Variants in PAFAH1B1 observed in about 807,000 individuals in gnomAD.
PAFAH1B1 encodes platelet-activating factor acetylhydrolase IB subunit beta.
In PAFAH1B1, 2 loss-of-function variants were observed where a neutral mutation model predicts 57.5. The ratio of observed to expected loss-of-function variants is 0.03; its 90% CI spans 0.01 to 0.11. The LOEUF is 0.11. Among genes scored for constraint, PAFAH1B1 ranks in the 10% least tolerant of loss-of-function variants. The probability of loss-of-function intolerance (pLI) is 1.00; values close to 1 mark genes in which losing one functional copy is unlikely to be tolerated. For synonymous variants in PAFAH1B1, 152 were observed against 169.6 expected (o/e 0.90, Z 0.81); for missense variants, 257 against 512.0 (o/e 0.50, Z 4.81).
At chr17:2,596,796 C>T (rs1240791556) in intron 1 of PAFAH1B1, among the ~76,000 whole-genome samples, 1 of 152,136 alleles carries the variant, frequency 6.6e-6, no homozygotes, top group Non-Finnish European at 1.5e-5. Flanking sequence ...CAGTGGTTCA[C>T]GCCTGTAATC....
In PAFAH1B1 at chr17:2,681,826, C is replaced by G. The variant is rs775929844; in HGVS notation, c.*24C>G. 6.4e-7 allele frequency: 1 copy of G among 1,569,196 alleles called. No individual in the cohort carries two copies. Among genetic ancestry groups the G allele is most frequent in the Non-Finnish European group, 8.8e-7 (1 of 1,141,606 alleles). ...GATTGTGTCTCCTTCGGCCCCTCCT[C>G]CCTCTTTTCCTCTGGATGCACTCTG... On this transcript the variant is annotated 3_prime_UTR_variant, in exon 11 of 11. Coordinates refer to ENST00000397195, the MANE Select transcript of PAFAH1B1 (RefSeq NM_000430.4).
chr17:2,606,719 G>A (rs2068207874), intron 1 of PAFAH1B1, among the ~76,000 whole-genome samples: 2 of 143,100 alleles, frequency 1.4e-5, no homozygotes, highest in Middle Eastern at 7.2e-3. Context: ...TATGTTAAAT[G>A]TTAAAAGTAC....
In PAFAH1B1 at chr17:2,634,159, G is replaced by A. The variant is rs118138786; in HGVS notation, c.-190-3940G>A. Reference sequence around the variant, plus strand: ...GTTTTTTTGTTTGTTTTTTTGAGACGGAGTCTTGCTCTGTTGCCCACCCTG... The same window carrying A: ...GTTTTTTTGTTTGTTTTTTTGAGACAGAGTCTTGCTCTGTTGCCCACCCTG... On this transcript the variant is annotated intron_variant, in intron 1 of 10. Coordinates refer to ENST00000397195, the MANE Select transcript of PAFAH1B1 (RefSeq NM_000430.4). Among the ~76,000 whole-genome samples, 138 of 151,646 alleles carry A rather than the reference G, an allele frequency of 9.1e-4. 3 individuals are homozygous for A. The East Asian group carries it at 0.025, about 28-fold the overall frequency.
chr17:2,648,920 AGT>A, intron 2 of PAFAH1B1, among the ~76,000 whole-genome samples: 1 of 139,124 alleles, frequency 7.2e-6, no homozygotes, highest in Non-Finnish European at 1.6e-5. Context: ...CATCTATTTC[AGT>A]ATATATTTGA....
At chr17:2,677,132 G>A (rs1020206956) in intron 9 of PAFAH1B1, among the ~76,000 whole-genome samples, 2 of 152,108 alleles carry the variant, frequency 1.3e-5, no homozygotes, top group African/African-American at 2.4e-5. Flanking sequence ...CAGCCTGGGC[G>A]ACAGAGTGAG....
chr17:2,671,397 C>T (rs1448023635), intron 6 of PAFAH1B1, among the ~76,000 whole-genome samples: 3 of 151,736 alleles, frequency 2.0e-5, no homozygotes, highest in Admixed American at 6.6e-5. Context: ...TTAGTAGAGA[C>T]GGGGTTTCAC....
intron 2 of PAFAH1B1, among the ~76,000 whole-genome samples, chr17:2,644,180 T>C (rs1267651563): frequency 6.6e-6 from 1 of 151,890 alleles, no homozygotes; most frequent in African/African-American, 2.4e-5. Flanking sequence ...TTTTTTTTCT[T>C]ACCAATCCAG....
At chr17:2,615,346 G>C (rs773415790) in intron 1 of PAFAH1B1, among the ~76,000 whole-genome samples, 2 of 152,140 alleles carry the variant, frequency 1.3e-5, no homozygotes, top group Non-Finnish European at 2.9e-5. Flanking sequence ...CAAGGAAAAA[G>C]CGATTTATGA....
At chr17:2,632,033 T>C (rs2151630062) in intron 1 of PAFAH1B1, among the ~76,000 whole-genome samples, 1 of 152,332 alleles carries the variant, frequency 6.6e-6, no homozygotes, top group Admixed American at 6.5e-5. Flanking sequence ...TCTTATTCAC[T>C]GTCATTACCC....
chr17:2,631,825 G>T (rs1001523587), intron 1 of PAFAH1B1, among the ~76,000 whole-genome samples: 1 of 152,156 alleles, frequency 6.6e-6, no homozygotes, highest in African/African-American at 2.4e-5. Flanking sequence ...ATGCAGCTCT[G>T]TCCGAAGCTG....
intron 5 of PAFAH1B1, among the ~76,000 whole-genome samples, chr17:2,668,271 C>G (rs920788543): frequency 8.7e-5 from 13 of 149,514 alleles, no homozygotes; most frequent in African/African-American, 3.3e-4. Context: ...TTGCAGTTAG[C>G]CAAGATCGCT....
At chr17:2,626,856 A>G (rs117372889) in intron 1 of PAFAH1B1, among the ~76,000 whole-genome samples, 4 of 151,872 alleles carry the variant, frequency 2.6e-5, no homozygotes, top group East Asian at 1.9e-4. Context: ...CCTGGGTGCA[A>G]TTTTTTATAT....
rs538810734 is a variant in PAFAH1B1, at chr17:2,608,286, A to G, written c.-191+14280A>G. ...TTTTAGTAGAGATGGGGGTTGCACT[A>G]TGTTGGCCAGGCTGGTCTCGAACTC... On this transcript the variant is annotated intron_variant, in intron 1 of 10. Coordinates refer to ENST00000397195, the MANE Select transcript of PAFAH1B1 (RefSeq NM_000430.4). 2.0e-4 allele frequency among the ~76,000 whole-genome samples: 31 copies of G among 151,942 alleles called. No individual in the cohort carries two copies. The South Asian group carries it at 3.5e-3, about 17-fold the overall frequency.
At position 2,683,163 on chromosome 17, in the gene PAFAH1B1, G is replaced by C. The variant is rs546427714; in HGVS notation, c.*1361G>C. 1 of 152,132 alleles carries C rather than the reference G, an allele frequency of 6.6e-6. No individual in the cohort carries two copies. Among genetic ancestry groups the C allele is most frequent in the Non-Finnish European group, 1.5e-5 (1 of 68,022 alleles). The allele number at this position is 152,132 out of a possible 1,614,324, so 9.4% of individuals were successfully genotyped here. On this transcript the variant is annotated 3_prime_UTR_variant, in exon 11 of 11. Transcript: ENST00000397195. The stretch of plus-strand genomic sequence containing the variant: ...ATGTCCCCCTCTAATTTAGCCGCTC[G>C]ACATTTTACACAACCCGGATATGTT...
intron 1 of PAFAH1B1, among the ~76,000 whole-genome samples, chr17:2,616,787 G>T (rs2068347229): frequency 6.6e-6 from 1 of 152,082 alleles, no homozygotes; most frequent in South Asian, 2.1e-4. Context: ...GGGCAGACCG[G>T]GTGCAGTGGC....
At chr17:2,624,620 C>T (rs2068465260) in intron 1 of PAFAH1B1, among the ~76,000 whole-genome samples, 1 of 152,192 alleles carries the variant, frequency 6.6e-6, no homozygotes. Flanking sequence ...ACAGGAAAGA[C>T]TGGCCCCGTG....
At chr17:2,663,452 C>T (rs1466813179) in intron 2 of PAFAH1B1, among the ~76,000 whole-genome samples, 1 of 152,068 alleles carries the variant, frequency 6.6e-6, no homozygotes, top group Non-Finnish European at 1.5e-5. Flanking sequence ...CAGGGGCTCA[C>T]TCACAGCTTG....
At chr17:2,673,767 C>T in intron 7 of PAFAH1B1, 1 of 394,432 alleles carries the variant, frequency 2.5e-6, no homozygotes, top group South Asian at 2.6e-5. Flanking sequence ...ATTAGTAGAG[C>T]ATAGCTTTTT....
chr17:2,666,231 G>T (rs754644886), intron 4 of PAFAH1B1, 141 bp downstream of exon 4: 42 of 842,070 alleles, frequency 5.0e-5, no homozygotes, highest in Non-Finnish European at 7.4e-5. Context: ...TTCATGAAAA[G>T]TATGACCTAG....
Sources: allele counts gnomAD v4.1 joint callset (sites outside exome capture counted in the v4.1 genomes callset), GRCh38; gene constraint gnomAD v4.1.1; transcripts MANE v1.5; gene names NCBI Gene and HGNC (gene_info 2026-07-23, HGNC 2026-07-21).